Variants in ZSCAN18 observed in about 807,000 individuals in gnomAD.
ZSCAN18 encodes the protein zinc finger and SCAN domain containing 18, also known as zinc finger and SCAN domain-containing protein 18.
In ZSCAN18, 16 loss-of-function variants were observed where a neutral mutation model predicts 31.1. The observed-to-expected ratio is 0.51, with a 90% CI of 0.35 to 0.78. ZSCAN18 has a LOEUF of 0.78. Among genes scored for constraint, ZSCAN18 ranks in the 30% least tolerant of loss-of-function variants. The pLI, the probability that ZSCAN18 is intolerant of heterozygous loss-of-function variation, is 0.01. For synonymous variants in ZSCAN18, 375 were observed against 320.7 expected (o/e 1.17, Z -1.81); for missense variants, 731 against 697.4 (o/e 1.05, Z -0.54).
chr19:58,088,550 G>A, intron 3 of ZSCAN18, 138 bp downstream of exon 3: 1 of 788,970 alleles, frequency 1.3e-6, no homozygotes, highest in Non-Finnish European at 2.0e-6. Flanking sequence ...AGAAACTACA[G>A]GAGGAAGTCC....
intron 1 of ZSCAN18, among the ~76,000 whole-genome samples, chr19:58,094,644 A>G (rs1266734626): frequency 6.6e-6 from 1 of 151,888 alleles, no homozygotes; most frequent in African/African-American, 2.4e-5. Flanking sequence ...TTGGGAGGCC[A>G]CGGTAGGTGG....
Position 58,092,702 on chromosome 19 carries a change from A to C in ZSCAN18, c.-119-2316T>G, listed in dbSNP as rs570850029. ...AGTGCTGTTGGAAGACATTCTACAC[A>C]AGCTTCCACTTACCTCAAGCAGAAC... On this transcript the variant is annotated intron_variant, in intron 1 of 6. Transcript: ENST00000601144. The C allele has an allele frequency of 7.5e-5, 74 of 984,734 alleles. No homozygotes were observed. The South Asian group carries it at 3.2e-3, about 43-fold the overall frequency. 61.0% of individuals were successfully genotyped at this position (984,734 alleles called of 1,614,324 possible).
Position 58,087,565 on chromosome 19 carries a change from A to G in ZSCAN18, c.554-161T>C. 7.8e-6 allele frequency: 5 copies of G among 637,842 alleles called. No individual in the cohort carries two copies. In the South Asian group the frequency reaches 9.8e-5, roughly 13 times the overall value. The allele number at this position is 637,842 out of a possible 1,614,324, so 39.5% of individuals were successfully genotyped here. ...CACTACACCTTTCCCTGATTTACAA[A>G]GCAGCGCGGTGGCCACAGGGCTTGG... On this transcript the variant is annotated intron_variant, in intron 3 of 6. Coordinates refer to ENST00000601144, the MANE Select transcript of ZSCAN18 (RefSeq NM_001145543.2).
chr19:58,117,916 C>T (rs2074745040), intron 1 of ZSCAN18, among the ~76,000 whole-genome samples: 1 of 151,914 alleles, frequency 6.6e-6, no homozygotes, highest in Admixed American at 6.5e-5. Context: ...GTTGGCACCG[C>T]ACTGGGGAGA....
chr19:58,087,318 G>C lies in ZSCAN18; in HGVS notation c.640C>G (p.Gln214Glu). The C allele has an allele frequency of 1.2e-6, 2 of 1,604,268 alleles. No individual in the cohort carries two copies. The highest frequency in any genetic ancestry group is 4.5e-5 in the East Asian group (2 of 44,752). The part of the protein sequence containing the change: ...TEEDGPANTE[Q>E]KLKSFPEDPQ... ...CCCACCTGCTCGTGCCCACCCACCT[G>C]CTCGGTGTTGGCAGGGCCGTCCTCT... is the stretch of plus-strand genomic sequence containing the variant. Residue 214 changes from glutamine to glutamate, a missense_variant and splice_region_variant, in exon 4 of 7, where the codon CAG (glutamine) becomes GAG (glutamate). Gln to Glu is a conservative substitution (Grantham distance 29). Coordinates refer to ENST00000601144, the MANE Select transcript of ZSCAN18 (RefSeq NM_001145543.2).
At chr19:58,103,365 T>C (rs1484828096) in intron 1 of ZSCAN18, among the ~76,000 whole-genome samples, 1 of 152,206 alleles carries the variant, frequency 6.6e-6, no homozygotes, top group African/African-American at 2.4e-5. Flanking sequence ...TGGCAACCTG[T>C]GTCAATTAAG....
At chr19:58,086,501 A>G (rs529377830) in intron 5 of ZSCAN18, 20 of 511,800 alleles carry the variant, frequency 3.9e-5, no homozygotes, top group Admixed American at 2.4e-4. Context: ...AAAGCTAAAG[A>G]AAGACATTGA....
rs757989805 is a variant in ZSCAN18, at chr19:58,090,199, C to T, written c.69G>A (p.Pro23=). 84 of 1,613,560 alleles carry T rather than the reference C, an allele frequency of 5.2e-5. 1 individual carries two copies. The Admixed American group carries it at 1.1e-3, about 21-fold the overall frequency. The part of the protein sequence containing the change: ...SSPAPPDLPT[P]GSAAGVQQEE... ...CCTGCTGGACTCCGGCTGCTGACCC[C>T]GGCGTGGGCAGATCCGGCGGGGCTG... Residue 23 remains proline, a synonymous_variant, in exon 2 of 7, where the codon CCG becomes CCA. Coordinates refer to ENST00000601144, the MANE Select transcript of ZSCAN18 (RefSeq NM_001145543.2). The surrounding 1 kb of genome is among the most constrained non-coding windows in gnomAD (Gnocchi z 4.7).
At chr19:58,086,384 G>A (rs1197657965) in intron 5 of ZSCAN18, 118 bp from the exon 6 acceptor site, 1 of 861,170 alleles carries the variant, frequency 1.2e-6, no homozygotes, top group Non-Finnish European at 1.8e-6. Context: ...TCTGTACTGG[G>A]ACCCCCACCA....
At position 58,085,353 on chromosome 19, in the gene ZSCAN18, C is replaced by T; in HGVS notation, c.865G>A (p.Gly289Arg). 1 of 1,591,910 alleles carries T rather than the reference C, an allele frequency of 6.3e-7. No individual in the cohort carries two copies. Among genetic ancestry groups the T allele is most frequent in the Non-Finnish European group, 8.5e-7 (1 of 1,177,354 alleles). Residue 289 changes from glycine (G) to arginine (R), a missense_variant, in exon 7 of 7, where the codon GGG becomes AGG. Transcript: ENST00000601144. ...PEGGRRQESA[G>R]CACEEAAPAG... ...GGGGCGGCCTCCTCGCAGGCGCACC[C>T]AGCGCTCTCCTGCCGCCTCCCGCCT...
At chr19:58,091,401 G>A (rs1458729921) in intron 1 of ZSCAN18, among the ~76,000 whole-genome samples, 1 of 152,058 alleles carries the variant, frequency 6.6e-6, no homozygotes, top group Non-Finnish European at 1.5e-5. Context: ...AGCGTAGGGA[G>A]CGGGGGGCTC....
At chr19:58,096,055 C>G (rs2074513757) in intron 1 of ZSCAN18, among the ~76,000 whole-genome samples, 1 of 152,174 alleles carries the variant, frequency 6.6e-6, no homozygotes, top group Non-Finnish European at 1.5e-5. Context: ...CCTGGCCACA[C>G]TGTCAAGAGG....
At chr19:58,094,241 CA>C (rs57599558) in intron 1 of ZSCAN18, among the ~76,000 whole-genome samples, 33 of 141,474 alleles carry the variant, frequency 2.3e-4, no homozygotes, top group Non-Finnish European at 2.2e-4. Context: ...ACTAAAAATA[CA>C]AAAAAAAAAA....
intron 1 of ZSCAN18, among the ~76,000 whole-genome samples, chr19:58,095,025 C>T (rs1026252499): frequency 2.0e-5 from 3 of 152,132 alleles, no homozygotes; most frequent in Non-Finnish European, 2.9e-5. Flanking sequence ...CCACTGTACT[C>T]CAGCATAAGC....
upstream of ZSCAN18, among the ~76,000 whole-genome samples, chr19:58,098,968 G>A (rs2074569534): frequency 6.6e-6 from 1 of 152,162 alleles, no homozygotes; most frequent in African/African-American, 2.4e-5. Context: ...GCTGGGGTGA[G>A]GGCTTTGGCA....
At chr19:58,091,784 C>A (rs1374248511) in intron 1 of ZSCAN18, among the ~76,000 whole-genome samples, 5 of 152,142 alleles carry the variant, frequency 3.3e-5, no homozygotes, top group Non-Finnish European at 5.9e-5. Context: ...TATGGACACA[C>A]AAGGGTGTGA....
chr19:58,117,112 C>T (rs2074736530), intron 1 of ZSCAN18, among the ~76,000 whole-genome samples: 1 of 152,190 alleles, frequency 6.6e-6, no homozygotes, highest in African/African-American at 2.4e-5. Context: ...GCCCAGCTAA[C>T]TGAATTCTGG....
At chr19:58,101,634 C>T (rs1288453986), upstream of ZSCAN18, among the ~76,000 whole-genome samples, 1 of 151,518 alleles carries the variant, frequency 6.6e-6, no homozygotes, top group Non-Finnish European at 1.5e-5. Context: ...GTTCTTCTGC[C>T]TCAGCCTCCT....
Position 58,085,318 on chromosome 19 carries a change from C to G in ZSCAN18, c.900G>C (p.Val300=), listed in dbSNP as rs1260462887. The G allele has an allele frequency of 1.3e-6, 2 of 1,596,722 alleles. No homozygotes were observed. Among genetic ancestry groups the G allele is most frequent in the Non-Finnish European group, 1.7e-6 (2 of 1,178,084 alleles). ...GCGCCTCCGTAGGCAGCTCAGGCAG[C>G]ACCCCCGCGGGGGCGGCCTCCTCGC... is the stretch of plus-strand genomic sequence containing the variant. ...CACEEAAPAG[V]LPELPTEAPP... is the part of the protein sequence containing the mutation. Residue 300 remains valine, a synonymous_variant, in exon 7 of 7, where the codon GTG becomes GTC. Transcript: ENST00000601144.
Sources: allele counts gnomAD v4.1 joint callset (sites outside exome capture counted in the v4.1 genomes callset), GRCh38; gene constraint gnomAD v4.1.1; non-coding constraint Gnocchi (gnomAD v3.1); transcripts MANE v1.5; gene names NCBI Gene and HGNC (gene_info 2026-07-23, HGNC 2026-07-21).